Variants in TM6SF1 observed in about 807,000 individuals in gnomAD.
TM6SF1 encodes transmembrane 6 superfamily member 1.
TM6SF1 carries 43 observed loss-of-function variants against 47.1 expected under a neutral mutation model. The ratio of observed to expected loss-of-function variants is 0.91; its 90% confidence interval spans 0.72 to 1.18. The LOEUF (loss-of-function observed/expected upper bound fraction) is 1.18. TM6SF1 is among the 50% of genes most tolerant of loss of function. TM6SF1 has a pLI of 0.00. For synonymous variants in TM6SF1, 177 were observed against 166.3 expected (o/e 1.06, Z -0.49); for missense variants, 390 against 449.0 (o/e 0.87, Z 1.19).
In TM6SF1 at chr15:83,127,215, AAAAGT is replaced by A. The variant is rs2151376417; in HGVS notation, c.802-139_802-135del. 8 of 806,536 alleles carry A rather than the reference AAAAGT, an allele frequency of 9.9e-6. No individual in the cohort carries two copies. The Admixed American group carries it at 2.7e-4, about 27-fold the overall frequency. 50.0% of individuals were successfully genotyped at this position (806,536 alleles called of 1,614,324 possible). A position where few individuals can be genotyped will look rare whatever the true frequency, so the allele number is the denominator to read the frequency against. ...CCTAAAAAAATAAATAAATAAAAAT[AAAAGT>A]AAAAAAAAAAAAAGAGTCCCATATA... On this transcript the variant is annotated intron_variant, in intron 8 of 9. Transcript: ENST00000322019.
In TM6SF1 at chr15:83,125,359, G is replaced by A. The variant is rs2151372962; in HGVS notation, c.708+583G>A. On this transcript the variant is annotated intron_variant, in intron 7 of 9. Coordinates refer to ENST00000322019, the MANE Select transcript of TM6SF1 (RefSeq NM_023003.5). ...ATTTTCTCTTTATTAATATTTTACT[G>A]CAGAGGTTAGGAAAAAGACTCACAG... 1.3e-5 allele frequency among the ~76,000 whole-genome samples: 2 copies of A among 152,276 alleles called. 1 individual carries two copies. The highest frequency in any genetic ancestry group is 6.8e-3 in the Middle Eastern group (2 of 294).
At chr15:83,124,175 A>G (rs2035523382) in intron 6 of TM6SF1, among the ~76,000 whole-genome samples, 1 of 152,218 alleles carries the variant, frequency 6.6e-6, no homozygotes, top group Non-Finnish European at 1.5e-5. Context: ...CTTATAATAT[A>G]GGCAGATGTT....
chr15:83,111,700 G>A (rs2034198931), intron 1 of TM6SF1: 1 of 985,138 alleles, frequency 1.0e-6, no homozygotes, highest in African/African-American at 1.7e-5. Flanking sequence ...GGCCATTGGA[G>A]TGGGCCAGGT....
rs1226152423 is a variant in TM6SF1 at position 83,136,590 on chromosome 15, T to A, written c.1031T>A (p.Val344Asp). 1.2e-6 allele frequency: 2 copies of A among 1,613,762 alleles called. No individual in the cohort carries two copies. The highest frequency in any genetic ancestry group is 4.5e-5 in the East Asian group (2 of 44,870). Residue 344 changes from valine to aspartate, a missense_variant, in exon 10 of 10, where the codon GTT becomes GAT. Physicochemically the swap from Val to Asp is radical, Grantham distance 152. Coordinates refer to ENST00000322019, the MANE Select transcript of TM6SF1 (RefSeq NM_023003.5). ...LFLALNIAYG[V>D]LPQLLAYRCI... is the part of the protein sequence containing the mutation. ...TTAGCATTAAACATAGCATATGGAG[T>A]TCTTCCTCAGCTCTTGGCCTATCGT...
At chr15:83,135,557 A>T (rs952103572) in intron 9 of TM6SF1, 1 of 152,184 alleles carries the variant, frequency 6.6e-6, no homozygotes, top group Non-Finnish European at 1.5e-5. Context: ...AAGCCTTCTG[A>T]GGAAATTTTC....
rs2036607458 is a variant in TM6SF1, at chr15:83,136,392, C to T, written c.922-89C>T. 20 of 1,163,224 alleles carry T rather than the reference C, an allele frequency of 1.7e-5. No homozygotes were observed. The South Asian group carries it at 2.8e-4, about 16-fold the overall frequency. 72.1% of individuals were successfully genotyped at this position (1,163,224 alleles called of 1,614,324 possible). On this transcript the variant is annotated intron_variant, in intron 9 of 9. Coordinates refer to ENST00000322019, the MANE Select transcript of TM6SF1 (RefSeq NM_023003.5). ...GAGACTGGTTTTGAGGGCACAGAAA[C>T]GTAGCCTGAATGAACCATTCAGAAC... is the stretch of plus-strand genomic sequence containing the variant.
Position 83,107,963 on chromosome 15 carries a change from A to G in TM6SF1, c.92+191A>G. 2.5e-6 allele frequency: 3 copies of G among 1,177,050 alleles called. No homozygotes were observed. The highest frequency in any genetic ancestry group is 3.3e-6 in the Non-Finnish European group (3 of 917,938). 72.9% of individuals were successfully genotyped at this position (1,177,050 alleles called of 1,614,324 possible). The stretch of plus-strand genomic sequence containing the variant: ...AGGGGTCGCACGGGCCGGGTCTTGG[A>G]GCCGGGCCCTGAGGTGCCCAGGCTG... On this transcript the variant is annotated intron_variant, in intron 1 of 9. Coordinates refer to ENST00000322019, the MANE Select transcript of TM6SF1 (RefSeq NM_023003.5). The surrounding 1 kb of genome is among the most constrained non-coding windows in gnomAD (Gnocchi z 5.6).
At chr15:83,108,592 C>A (rs965763807) in intron 1 of TM6SF1, among the ~76,000 whole-genome samples, 2 of 152,166 alleles carry the variant, frequency 1.3e-5, no homozygotes, top group African/African-American at 4.8e-5. Context: ...AACCTGCAGC[C>A]GGCAGCTGAA....
intron 6 of TM6SF1, among the ~76,000 whole-genome samples, chr15:83,123,311 C>T (rs1429205489): frequency 6.6e-6 from 1 of 152,188 alleles, no homozygotes; most frequent in Non-Finnish European, 1.5e-5. Flanking sequence ...CACAGCCATA[C>T]AATCTTGACT....
intron 9 of TM6SF1, 50 bp from the exon 10 acceptor site, chr15:83,136,431 A>G (rs1209222137): frequency 6.6e-7 from 1 of 1,506,882 alleles, no homozygotes; most frequent in Admixed American, 2.2e-5. Context: ...TCATGCATCC[A>G]ACTGAACACG....
Position 83,121,953 on chromosome 15 carries a change from T to C in TM6SF1, c.431T>C (p.Val144Ala). ...TATAGAACCATTGGCCTATATTGGGTTGGATCTATTATTATGAGTGTTGTT... is the reference window on the plus strand; with the variant it reads ...TATAGAACCATTGGCCTATATTGGGCTGGATCTATTATTATGAGTGTTGTT... ...ETYRTIGLYW[V>A]GSIIMSVVVF... The change falls in exon 5 of 10, where the codon GTT becomes GCT. Residue 144 changes from valine (V) to alanine (A), a missense_variant. By Grantham distance (64) the Val-to-Ala change is moderately conservative. Transcript: ENST00000322019. 6.2e-7 allele frequency: 1 copy of C among 1,610,994 alleles called. No homozygotes were observed. Among genetic ancestry groups the C allele is most frequent in the Non-Finnish European group, 8.5e-7 (1 of 1,179,290 alleles).
Position 83,136,583 on chromosome 15 carries a change from T to A in TM6SF1, c.1024T>A (p.Tyr342Asn). Residue 342 changes from tyrosine (Y) to asparagine (N), a missense_variant, in exon 10 of 10, where the codon TAT becomes AAT. Physicochemically the swap from Tyr to Asn is moderately radical, Grantham distance 143 (BLOSUM62 -2). Coordinates refer to ENST00000322019, the MANE Select transcript of TM6SF1 (RefSeq NM_023003.5). ...KILFLALNIA[Y>N]GVLPQLLAYR... ...CCTTTTTTTAGCATTAAACATAGCA[T>A]ATGGAGTTCTTCCTCAGCTCTTGGC... 1 of 1,613,858 alleles carries A rather than the reference T, an allele frequency of 6.2e-7. No homozygotes were observed. The highest frequency in any genetic ancestry group is 8.5e-7 in the Non-Finnish European group (1 of 1,179,868).
chr15:83,118,434 G>A (rs1269753122), intron 3 of TM6SF1, among the ~76,000 whole-genome samples: 1 of 152,218 alleles, frequency 6.6e-6, no homozygotes, highest in Admixed American at 6.5e-5. Context: ...AGAGCCAGGT[G>A]TGTTAGCAAT....
At chr15:83,123,286 C>T (rs1285359312) in intron 6 of TM6SF1, among the ~76,000 whole-genome samples, 1 of 152,132 alleles carries the variant, frequency 6.6e-6, no homozygotes, top group Non-Finnish European at 1.5e-5. Context: ...GGATACTGCT[C>T]CTCAAGGTAG....
chr15:83,119,538 G>A (rs1352709331), intron 3 of TM6SF1, 40 bp from the exon 4 acceptor site: 2 of 1,604,512 alleles, frequency 1.2e-6, no homozygotes, highest in East Asian at 2.2e-5. Flanking sequence ...GCATTTACAG[G>A]TCTTATTTAA....
At chr15:83,125,818 G>T (rs903901825) in intron 7 of TM6SF1, among the ~76,000 whole-genome samples, 2 of 152,348 alleles carry the variant, frequency 1.3e-5, no homozygotes, top group Admixed American at 6.5e-5. Context: ...TGGGTTCAGG[G>T]TGAGAAGCTG....
chr15:83,136,485 A>G lies in TM6SF1; in HGVS notation c.926A>G (p.Gln309Arg). ...TTTTTTTTTTAAATGCAACAGGCTC[A>G]GTTTTCTCACATTGGTGCATCTCTT... ...LIHAGGLAQA[Q>R]FSHIGASLHA... The change falls in exon 10 of 10, where the codon CAG becomes CGG. Residue 309 changes from glutamine to arginine, a missense_variant. Transcript: ENST00000322019. The G allele has an allele frequency of 3.2e-6, 5 of 1,576,620 alleles. No individual in the cohort carries two copies. Among genetic ancestry groups the G allele is most frequent in the Non-Finnish European group, 3.4e-6 (4 of 1,168,628 alleles).
In TM6SF1 at chr15:83,110,179, G is replaced by A. The variant is rs901261220; in HGVS notation, c.92+2407G>A. On this transcript the variant is annotated intron_variant, in intron 1 of 9. Coordinates refer to ENST00000322019, the MANE Select transcript of TM6SF1 (RefSeq NM_023003.5). ...TTGAGAGGTCAGGAAAGGATTGAGC[G>A]TGTTCTGTCTCCCTCTCTCACTGAG... 7.9e-5 allele frequency among the ~76,000 whole-genome samples: 12 copies of A among 152,106 alleles called. No homozygotes were observed. In the East Asian group the frequency reaches 9.6e-4, roughly 12 times the overall value.
chr15:83,121,254 G>A (rs965314425), intron 4 of TM6SF1, among the ~76,000 whole-genome samples: 2 of 86,942 alleles, frequency 2.3e-5, no homozygotes, highest in Non-Finnish European at 4.9e-5. Context: ...TTTTTTTTTT[G>A]TACTTTTAGT....
Sources: allele counts gnomAD v4.1 joint callset (sites outside exome capture counted in the v4.1 genomes callset), GRCh38; gene constraint gnomAD v4.1.1; non-coding constraint Gnocchi (gnomAD v3.1); transcripts MANE v1.5; gene names NCBI Gene and HGNC (gene_info 2026-07-23, HGNC 2026-07-21).